LARS2: variants seen among roughly 807,000 people sequenced by gnomAD.
LARS2 encodes leucine--tRNA ligase, mitochondrial.
LARS2 carries 81 observed loss-of-function variants against 116.6 expected under a neutral mutation model. The observed-to-expected ratio is 0.69, with a 90% CI of 0.58 to 0.84. The LOEUF is 0.84. Ranked by LOEUF, LARS2 falls within the 40% of genes least tolerant of loss-of-function variation. The pLI, the probability that LARS2 is intolerant of heterozygous loss-of-function variation, is 0.00. For missense variants in LARS2, 968 were observed against 1,114.5 expected, an observed-to-expected ratio of 0.87 and a Z score of 1.87; for synonymous variants, 396 against 407.2, an observed-to-expected ratio of 0.97 and a Z score of 0.33.
At chr3:45,545,824 G>A (rs368344573) in intron 21 of LARS2, among the ~76,000 whole-genome samples, 6 of 129,654 alleles carry the variant, frequency 4.6e-5, no homozygotes, top group Admixed American at 4.4e-4. Context: ...CTGAGGCCAT[G>A]CGTCAAAGAG....
intron 8 of LARS2, among the ~76,000 whole-genome samples, chr3:45,461,570 A>C (rs1699326882): frequency 6.6e-6 from 1 of 152,136 alleles, no homozygotes; most frequent in South Asian, 2.1e-4. Context: ...GATTCTAAGG[A>C]AGGGAATGGC....
chr3:45,513,765 A>G (rs1181252474), intron 16 of LARS2, among the ~76,000 whole-genome samples: 2 of 152,050 alleles, frequency 1.3e-5, no homozygotes, highest in Non-Finnish European at 2.9e-5. Flanking sequence ...AGCTCTCCCA[A>G]GCCTTTTCCT....
At chr3:45,511,197 G>C (rs1012575309) in intron 15 of LARS2, among the ~76,000 whole-genome samples, 22 of 152,154 alleles carry the variant, frequency 1.4e-4, no homozygotes, top group African/African-American at 5.3e-4. Context: ...AGCTTCAACT[G>C]TCAAGTTTCA....
intron 12 of LARS2, 111 bp downstream of exon 12, chr3:45,488,923 C>T (rs1444105035): frequency 1.0e-5 from 8 of 763,792 alleles, no homozygotes; most frequent in East Asian, 2.4e-5. Context: ...CCATACCTAA[C>T]AGCCTTGTGG....
intron 6 of LARS2, among the ~76,000 whole-genome samples, chr3:45,427,717 G>A (rs1698619109): frequency 6.6e-6 from 1 of 152,078 alleles, no homozygotes; most frequent in African/African-American, 2.4e-5. Context: ...GCACCCAGAG[G>A]CTTGGCTCAA....
intron 13 of LARS2, among the ~76,000 whole-genome samples, chr3:45,492,668 G>A (rs1699942949): frequency 6.6e-6 from 1 of 152,192 alleles, no homozygotes; most frequent in Non-Finnish European, 1.5e-5. Flanking sequence ...CTCTGAGCGT[G>A]AAATCCCTCA....
chr3:45,532,249 A>G (rs1479187336), intron 20 of LARS2, among the ~76,000 whole-genome samples: 1 of 152,218 alleles, frequency 6.6e-6, no homozygotes, highest in African/African-American at 2.4e-5. Context: ...AGTCTCTGTC[A>G]TGTTAAGGAA....
intron 10 of LARS2, among the ~76,000 whole-genome samples, chr3:45,479,879 A>G (rs575795495): frequency 4.6e-5 from 7 of 151,612 alleles, no homozygotes; most frequent in South Asian, 2.1e-4. Context: ...TGAGTCACCA[A>G]CTATCTACAC....
chr3:45,467,866 C>T (rs1042282362), intron 8 of LARS2, among the ~76,000 whole-genome samples: 4 of 152,084 alleles, frequency 2.6e-5, no homozygotes, highest in African/African-American at 9.7e-5. Context: ...GTGGGTAGAT[C>T]GCTTGAGCCC....
At chr3:45,460,697 A>G (rs1013756527) in intron 8 of LARS2, among the ~76,000 whole-genome samples, 3 of 152,154 alleles carry the variant, frequency 2.0e-5, no homozygotes, top group Non-Finnish European at 1.5e-5. Flanking sequence ...GAACAATGCT[A>G]TGGGTCTGAG....
At chr3:45,431,052 T>C (rs1698703459) in intron 6 of LARS2, among the ~76,000 whole-genome samples, 1 of 152,134 alleles carries the variant, frequency 6.6e-6, no homozygotes, top group African/African-American at 2.4e-5. Context: ...ATTAGTACCC[T>C]TATATGAAGA....
At chr3:45,473,835 G>A (rs912936088) in intron 8 of LARS2, among the ~76,000 whole-genome samples, 11 of 151,848 alleles carry the variant, frequency 7.2e-5, no homozygotes, top group African/African-American at 2.2e-4. Flanking sequence ...AATGTCCTAT[G>A]TATGATATTG....
chr3:45,467,807 A>G (rs2125714787), intron 8 of LARS2, among the ~76,000 whole-genome samples: 1 of 152,310 alleles, frequency 6.6e-6, no homozygotes, highest in East Asian at 1.9e-4. Flanking sequence ...TAAAAAGATT[A>G]TTGCTGGGCA....
At chr3:45,501,632 A>C (rs1026986595) in intron 15 of LARS2, among the ~76,000 whole-genome samples, 6 of 152,224 alleles carry the variant, frequency 3.9e-5, no homozygotes, top group African/African-American at 1.4e-4. Flanking sequence ...CAAAACTGCT[A>C]TGAACCTTCT....
chr3:45,501,179 A>G (rs1360588961), intron 15 of LARS2, among the ~76,000 whole-genome samples: 1 of 50,306 alleles, frequency 2.0e-5, no homozygotes, highest in African/African-American at 3.4e-5. Flanking sequence ...TTATATATGA[A>G]CATACATGCC....
chr3:45,401,502 T>TA (rs201707793), intron 4 of LARS2, among the ~76,000 whole-genome samples: 7 of 148,262 alleles, frequency 4.7e-5, no homozygotes, highest in Non-Finnish European at 7.5e-5. Context: ...GACACTATCT[T>TA]AAAAAAAAAA....
intron 14 of LARS2, among the ~76,000 whole-genome samples, chr3:45,499,383 A>G (rs1444383239): frequency 1.3e-5 from 2 of 152,202 alleles, no homozygotes. Flanking sequence ...CGGAGGTTGC[A>G]GTGAGCCGAG....
At chr3:45,526,531 TCAGGAGCCA>T (rs955172047) in intron 20 of LARS2, among the ~76,000 whole-genome samples, 28 of 152,120 alleles carry the variant, frequency 1.8e-4, no homozygotes, top group Non-Finnish European at 1.5e-5. Context: ...TCATCATTGA[TCAGGAGCCA>T]GACAAAGCCT....
At chr3:45,399,164 T>G (rs1255917335) in intron 3 of LARS2, among the ~76,000 whole-genome samples, 1 of 152,190 alleles carries the variant, frequency 6.6e-6, no homozygotes, top group Non-Finnish European at 1.5e-5. Context: ...TTCTCCCTTT[T>G]TAAAAGGATC....
Sources: gnomAD v4.1 joint callset for allele counts (sites outside exome capture counted in the v4.1 genomes callset) on GRCh38, gnomAD v4.1.1 for gene constraint, MANE v1.5 for transcripts, NCBI Gene and HGNC (gene_info 2026-07-23, HGNC 2026-07-21) for gene names.